PER3: variants seen among roughly 807,000 people sequenced by gnomAD.
The protein encoded by PER3 is period circadian regulator 3.
PER3 carries 107 observed loss-of-function variants against 127.2 expected under a neutral mutation model. The ratio of observed to expected loss-of-function variants is 0.84; its 90% confidence interval spans 0.72 to 0.99. The LOEUF is 0.99. Among genes scored for constraint, PER3 ranks in the 50% least tolerant of loss-of-function variants. The pLI is 0.00. For missense variants in PER3, 1,560 were observed against 1,525.8 expected (o/e 1.02, Z -0.37); for synonymous variants, 618 against 585.8 (o/e 1.05, Z -0.79).
At chr1:7,810,287 T>C in intron 12 of PER3, 151 bp from the exon 13 acceptor site, 2 of 648,616 alleles carry the variant, frequency 3.1e-6, no homozygotes, top group South Asian at 4.2e-5. Flanking sequence ...CAGTATACTG[T>C]GGCATGGTGC....
At chr1:7,824,687 T>C (rs574716394) in intron 16 of PER3, among the ~76,000 whole-genome samples, 1 of 152,330 alleles carries the variant, frequency 6.6e-6, no homozygotes, top group Admixed American at 6.5e-5. Flanking sequence ...ATTGATCCTT[T>C]CAGGCTTTGC....
rs117089349 is a variant in PER3, at chr1:7,838,046, A to G, written c.3549+897A>G. Among the ~76,000 whole-genome samples the G allele has an allele frequency of 1.2e-3, 180 of 151,300 alleles. 2 individuals are homozygous for G. In the East Asian group the frequency reaches 0.034, roughly 29 times the overall value. On this transcript the variant is annotated intron_variant, in intron 21 of 21. Transcript: ENST00000377532. ...CGCCAGTGCATTCCAGCCAGTCTCA[A>G]AAAAGACAAATAATTCGTGTGTGTG...
chr1:7,836,211 A>T (rs2097357672), intron 20 of PER3, among the ~76,000 whole-genome samples: 1 of 149,754 alleles, frequency 6.7e-6, no homozygotes, highest in African/African-American at 2.5e-5. Flanking sequence ...ACAGAGTCTC[A>T]CTCTGTCGCC....
intron 21 of PER3, among the ~76,000 whole-genome samples, chr1:7,840,387 G>T (rs1024982915): frequency 6.6e-6 from 1 of 151,106 alleles, no homozygotes; most frequent in Admixed American, 6.6e-5. Context: ...GAGTGCAGTG[G>T]CATGATCATG....
intron 10 of PER3, among the ~76,000 whole-genome samples, chr1:7,805,447 C>T (rs1214559815): frequency 6.6e-6 from 1 of 152,184 alleles, no homozygotes; most frequent in Non-Finnish European, 1.5e-5. Context: ...GCTCTTACCT[C>T]TTTCTACTCC....
At chr1:7,814,916 G>A (rs767741746) in intron 13 of PER3, among the ~76,000 whole-genome samples, 11 of 152,196 alleles carry the variant, frequency 7.2e-5, no homozygotes, top group South Asian at 2.1e-4. Context: ...AAAACAATTC[G>A]AAAATATTTT....
At chr1:7,819,263 A>G (rs770134943) in intron 13 of PER3, 22 bp from the exon 14 acceptor site, 1 of 1,603,392 alleles carries the variant, frequency 6.2e-7, no homozygotes. Context: ...TTTTAATTGC[A>G]CATCCCTTTA....
chr1:7,804,253 A>G (rs1420722185), intron 10 of PER3, among the ~76,000 whole-genome samples: 2 of 152,114 alleles, frequency 1.3e-5, no homozygotes, highest in African/African-American at 4.8e-5. Context: ...TTGAAAGGAA[A>G]TAAAATATGA....
intron 10 of PER3, 42 bp from the exon 11 acceptor site, chr1:7,808,851 A>G (rs2097207062): frequency 9.8e-7 from 1 of 1,019,412 alleles, no homozygotes; most frequent in East Asian, 2.4e-5. Flanking sequence ...TTTCGACTTC[A>G]TTTAAATTGT....
Position 7,803,800 on chromosome 1 carries a change from C to T in PER3, c.1088C>T (p.Pro363Leu), listed in dbSNP as rs767029988. Residue 363 changes from proline to leucine, a missense_variant, in exon 10 of 22, where the codon CCC becomes CTC. Pro to Leu is a moderately conservative substitution (Grantham distance 98). Coordinates refer to ENST00000377532, the MANE Select transcript of PER3 (RefSeq NM_001377275.1). ...TCCAGTTGGTCCAGCTTTGTGAATC[C>T]CTGGAGCCGGAAGATTTCTTTCATC... is the stretch of plus-strand genomic sequence containing the variant. ...LDSSWSSFVNPWSRKISFIIG... is the reference protein window; with the variant it reads ...LDSSWSSFVNLWSRKISFIIG... 4 of 1,613,522 alleles carry T rather than the reference C, an allele frequency of 2.5e-6. No individual in the cohort carries two copies. Among genetic ancestry groups the T allele is most frequent in the South Asian group, 1.1e-5 (1 of 91,038 alleles).
rs1255289136 is a variant in PER3, at chr1:7,820,550, A to T, written c.1867A>T (p.Ile623Phe). Residue 623 changes from isoleucine to phenylalanine, a missense_variant, in exon 16 of 22, where the codon ATC becomes TTC. Physicochemically the swap from Ile to Phe is conservative, Grantham distance 21. Coordinates refer to ENST00000377532, the MANE Select transcript of PER3 (RefSeq NM_001377275.1). Reference protein sequence around the residue: ...SIDTGGGAPQILSTAMLSLGS... With the variant: ...SIDTGGGAPQFLSTAMLSLGS... ...AGACACAGGAGGAGGAGCTCCACAG[A>T]TCCTGTCCACGGCGATGCTGAGCTT... The T allele has an allele frequency of 1.2e-6, 2 of 1,613,928 alleles. No homozygotes were observed. The highest frequency in any genetic ancestry group is 2.7e-5 in the African/African-American group (2 of 74,912).
intron 4 of PER3, 77 bp from the exon 5 acceptor site, chr1:7,787,968 C>T (rs2097100032): frequency 9.5e-7 from 1 of 1,056,194 alleles, no homozygotes; most frequent in Non-Finnish European, 1.5e-6. Flanking sequence ...GTTAGAGATC[C>T]AGAAGAAATT....
intron 13 of PER3, among the ~76,000 whole-genome samples, chr1:7,812,241 A>G (rs906380947): frequency 6.7e-6 from 1 of 149,614 alleles, no homozygotes; most frequent in Admixed American, 6.6e-5. Flanking sequence ...ATCATCGACC[A>G]TGGATCTTGT....
At position 7,827,107 on chromosome 1, in the gene PER3, T is replaced by C; in HGVS notation, c.2189-11T>C. On this transcript the variant is annotated splice_polypyrimidine_tract_variant and intron_variant, in intron 17 of 21. Transcript: ENST00000377532. ...ATTTTCCATAATTTGCCTCTACCTT[T>C]ATCCTTCCAGGAGATTCTACTTCCA... The C allele has an allele frequency of 6.4e-7, 1 of 1,564,576 alleles. No homozygotes were observed. Among genetic ancestry groups the C allele is most frequent in the South Asian group, 1.2e-5 (1 of 83,678 alleles).
rs1292526787 is a variant in PER3 at position 7,827,640 on chromosome 1, C to A, written c.2711C>A (p.Ser904Ter). 6 of 1,614,084 alleles carry A rather than the reference C, an allele frequency of 3.7e-6. No homozygotes were observed. Among genetic ancestry groups the A allele is most frequent in the Non-Finnish European group, 5.1e-6 (6 of 1,180,030 alleles). The change falls in exon 18 of 22, where the codon TCA becomes TAA. Residue 904 changes from serine (S) to a stop codon, truncating the protein, a stop_gained. Coordinates refer to ENST00000377532, the MANE Select transcript of PER3 (RefSeq NM_001377275.1). LOFTEE classifies it high-confidence loss of function. Reference protein sequence around the residue: ...AMSPTLDPPPSVTSQRREEEK... With the variant: ...AMSPTLDPPP Reference sequence around the variant, plus strand: ...AGTCCAACTCTGGACCCACCCCCTTCAGTCACCAGCCAAAGGAGAGAGGAG... The same window carrying A: ...AGTCCAACTCTGGACCCACCCCCTTAAGTCACCAGCCAAAGGAGAGAGGAG...
At chr1:7,808,777 TGGAG>T in intron 10 of PER3, 112 bp from the exon 11 acceptor site, 1 of 660,876 alleles carries the variant, frequency 1.5e-6, no homozygotes, top group Admixed American at 3.0e-5. Context: ...ATTTTTTCTT[TGGAG>T]TCAAAGAATT....
intron 10 of PER3, among the ~76,000 whole-genome samples, chr1:7,806,593 G>A (rs1399989898): frequency 1.3e-5 from 2 of 151,538 alleles, no homozygotes; most frequent in African/African-American, 4.9e-5. Context: ...TTCAAGACTG[G>A]CCTGGGCAAG....
At chr1:7,806,132 G>A (rs1398122516) in intron 10 of PER3, among the ~76,000 whole-genome samples, 2 of 152,218 alleles carry the variant, frequency 1.3e-5, no homozygotes, top group Non-Finnish European at 2.9e-5. Context: ...AAATGGCACT[G>A]TCATATATAA....
At chr1:7,803,236 A>T in intron 9 of PER3, 83 bp downstream of exon 9, 1 of 819,918 alleles carries the variant, frequency 1.2e-6, no homozygotes, top group Admixed American at 1.8e-5. Context: ...ATTAGAGCGC[A>T]ACCTTTAACC....
Sources: allele counts gnomAD v4.1 joint callset (sites outside exome capture counted in the v4.1 genomes callset), GRCh38; gene constraint gnomAD v4.1.1; transcripts MANE v1.5; gene names NCBI Gene and HGNC (gene_info 2026-07-23, HGNC 2026-07-21).